AP2A1: variants seen among roughly 807,000 people sequenced by gnomAD.
The protein encoded by AP2A1 is adaptor related protein complex 2 subunit alpha 1, also known as AP-2 complex subunit alpha-1.
A neutral mutation model predicts 107.3 loss-of-function variants in AP2A1; 21 were observed. The observed-to-expected ratio is 0.20, with a 90% CI of 0.14 to 0.28. AP2A1 has a LOEUF of 0.28. AP2A1 is among the 10% of genes least tolerant of loss of function. AP2A1 has a pLI of 1.00. For missense variants in AP2A1, 873 were observed against 1,307.7 expected, an observed-to-expected ratio of 0.67 and a Z score of 5.13; for synonymous variants, 602 against 564.8, an observed-to-expected ratio of 1.07 and a Z score of -0.93.
chr19:49,782,573 C>T lies in AP2A1; in HGVS notation c.322C>T (p.Leu108=), dbSNP rs1401555293. The T allele has an allele frequency of 6.2e-7, 1 of 1,613,914 alleles. No homozygotes were observed. The highest frequency in any genetic ancestry group is 2.2e-5 in the East Asian group (1 of 44,890). Reference sequence around the variant, plus strand: ...TGTGCTGGTGAACTCGAACTCGGAGCTGATCCGCCTCATCAACAACGCCAT... The same window carrying T: ...TGTGCTGGTGAACTCGAACTCGGAGTTGATCCGCCTCATCAACAACGCCAT... ...ISVLVNSNSE[L]IRLINNAIKN... The change falls in exon 4 of 23, where the codon CTG becomes TTG. Residue 108 remains leucine, a synonymous_variant. Transcript: ENST00000354293.
At chr19:49,803,040 ACAGGTGCGGAGCCCAGGC>A (rs1380327734) in intron 16 of AP2A1, 35 bp downstream of exon 16, 1 of 1,613,672 alleles carries the variant, frequency 6.2e-7, no homozygotes, top group East Asian at 2.2e-5. Context: ...GGGGAACGGG[ACAGGTGCGGAGCCCAGGC>A]CAGGTGCAGA....
chr19:49,794,860 A>G (rs12986369), intron 6 of AP2A1, among the ~76,000 whole-genome samples: 77,630 of 151,844 alleles, frequency 0.51, 20,186 homozygotes, highest in South Asian at 0.65. Flanking sequence ...ATGGGGTTTC[A>G]CCATGTTGGT....
In AP2A1 at chr19:49,792,999, C is replaced by A. The variant is rs1290494856; in HGVS notation, c.612C>A (p.Val204=). 4 of 1,600,840 alleles carry A rather than the reference C, an allele frequency of 2.5e-6. No homozygotes were observed. Among genetic ancestry groups the A allele is most frequent in the Non-Finnish European group, 3.4e-6 (4 of 1,174,184 alleles). Residue 204 remains valine, a synonymous_variant, in exon 6 of 23, where the codon GTC becomes GTA. Coordinates refer to ENST00000354293, the MANE Select transcript of AP2A1 (RefSeq NM_130787.3). The part of the protein sequence containing the change: ...HLLNDQHMGV[V]TAAVSLITCL... ...CTCCTCTGCCCCTGCAGGGTGTGGT[C>A]ACGGCCGCCGTCAGCCTCATCACCT... is the stretch of plus-strand genomic sequence containing the variant.
intron 6 of AP2A1, among the ~76,000 whole-genome samples, chr19:49,795,351 C>T (rs1049373162): frequency 5.3e-5 from 8 of 152,176 alleles, no homozygotes; most frequent in Admixed American, 5.2e-4. Context: ...GCCTCAGATT[C>T]CTGCTTCATA....
At chr19:49,776,999 CG>C (rs2084623328) in intron 1 of AP2A1, among the ~76,000 whole-genome samples, 1 of 150,882 alleles carries the variant, frequency 6.6e-6, no homozygotes, top group Non-Finnish European at 1.5e-5. Context: ...GAGGCTGAGG[CG>C]GGTGGATCAC....
At chr19:49,806,021 G>A in intron 21 of AP2A1, 80 bp downstream of exon 21, 7 of 1,610,890 alleles carry the variant, frequency 4.3e-6, no homozygotes, top group Admixed American at 1.7e-5. Flanking sequence ...GTAAAGTGGG[G>A]CCAATTCCCA....
chr19:49,805,617 G>T, intron 19 of AP2A1, 41 bp downstream of exon 19: 2 of 1,553,828 alleles, frequency 1.3e-6, no homozygotes, highest in Non-Finnish European at 1.7e-6. Flanking sequence ...GAGCCTCCGG[G>T]GTGAGGGGCG....
chr19:49,799,175 G>A (rs2073246066), intron 8 of AP2A1, among the ~76,000 whole-genome samples, 152 bp from the exon 9 acceptor site: 1 of 152,208 alleles, frequency 6.6e-6, no homozygotes, highest in Non-Finnish European at 1.5e-5. Context: ...CCAGTTGTCT[G>A]GGTCACTGGA....
chr19:49,806,048 G>A, intron 21 of AP2A1, 71 bp from the exon 22 acceptor site: 1 of 1,603,940 alleles, frequency 6.2e-7, no homozygotes, highest in Non-Finnish European at 8.5e-7. Flanking sequence ...AGGGTTTTTT[G>A]GGATCTGGGA....
At chr19:49,767,323 A>T (rs2084512987) in intron 1 of AP2A1, 123 bp downstream of exon 1, 14 of 1,219,268 alleles carry the variant, frequency 1.1e-5, no homozygotes, top group Non-Finnish European at 1.5e-5. Flanking sequence ...GGGACAGCAT[A>T]GATGGGCCCC....
At chr19:49,793,359 T>C (rs2073170480) in intron 6 of AP2A1, among the ~76,000 whole-genome samples, 3 of 152,096 alleles carry the variant, frequency 2.0e-5, no homozygotes, top group Non-Finnish European at 4.4e-5. Flanking sequence ...GTGGATAGAG[T>C]GCTCAGAACA....
Position 49,798,945 on chromosome 19 carries a change from T to C in AP2A1, c.958T>C (p.Tyr320His). 1 of 1,552,356 alleles carries C rather than the reference T, an allele frequency of 6.4e-7. No homozygotes were observed. Among genetic ancestry groups the C allele is most frequent in the South Asian group, 1.2e-5 (1 of 84,090 alleles). ...CGAGACCATCAGCCTCATCATCCAC[T>C]ATGACAGGTGCCCGCCTGGGCCTAT... ...LFETISLIIH[Y>H]DSEPNLLVRA... The change falls in exon 8 of 23, where the codon TAT becomes CAT. Residue 320 changes from tyrosine to histidine, a missense_variant. Around this residue, in one of 4 missense-constraint regions of AP2A1, gnomAD observed 213 missense variants for 443.5 expected, o/e 0.48. Transcript: ENST00000354293.
At chr19:49,782,197 G>C in intron 3 of AP2A1, 108 bp downstream of exon 3, 1 of 687,528 alleles carries the variant, frequency 1.5e-6, no homozygotes, top group Non-Finnish European at 2.0e-6. Context: ...TAGGGGTCTG[G>C]ACTCCTGGGT....
Position 49,782,295 on chromosome 19 carries a change from A to T in AP2A1, c.279+206A>T, listed in dbSNP as rs539764601. Among the ~76,000 whole-genome samples the T allele has an allele frequency of 3.5e-5, 5 of 142,742 alleles. No homozygotes were observed. The East Asian group carries it at 8.4e-4, about 24-fold the overall frequency. The allele number at this position is 142,742 out of a possible 152,430, so 93.6% of individuals were successfully genotyped here. On this transcript the variant is annotated intron_variant, in intron 3 of 22. Coordinates refer to ENST00000354293, the MANE Select transcript of AP2A1 (RefSeq NM_130787.3). ...TCTGGACTCCCCATTCTGAGGGAGG[A>T]GGGCTGGAAGCCCAGACTCCTGGGT...
intron 6 of AP2A1, 25 bp from the exon 7 acceptor site, chr19:49,795,605 C>CAAAATT: frequency 2.5e-6 from 2 of 812,242 alleles, no homozygotes; most frequent in Non-Finnish European, 3.8e-6. Flanking sequence ...CAGCCCCCAA[C>CAAAATT]TTATTTCTTG....
rs1206204634 is a variant in AP2A1 at position 49,805,656 on chromosome 19, A to G, written c.2469-5A>G. ...CCTAATGGAGCCTCCCTTTCACCTC[A>G]TCAGGTACGGTGGCGCCCCCCAGGC... On this transcript the variant is annotated splice_polypyrimidine_tract_variant and splice_region_variant and intron_variant, in intron 19 of 22. Coordinates refer to ENST00000354293, the MANE Select transcript of AP2A1 (RefSeq NM_130787.3). 30 of 1,559,214 alleles carry G rather than the reference A, an allele frequency of 1.9e-5. No homozygotes were observed. The highest frequency in any genetic ancestry group is 2.5e-5 in the Non-Finnish European group (29 of 1,152,368).
At position 49,800,940 on chromosome 19, in the gene AP2A1, G is replaced by A. The variant is rs200716531; in HGVS notation, c.1456-21G>A. 5.0e-4 allele frequency: 783 copies of A among 1,574,720 alleles called. 5 individuals carry two copies. In the South Asian group the frequency reaches 5.8e-3, roughly 12 times the overall value. The stretch of plus-strand genomic sequence containing the variant: ...GGGCGCTCATTGTTGTCCTCTCCAC[G>A]CCCTTCCCCACCCCACTCAGGCGCT... On this transcript the variant is annotated intron_variant, in intron 11 of 22. Transcript: ENST00000354293.
At chr19:49,789,955 G>T (rs1023510495) in intron 4 of AP2A1, among the ~76,000 whole-genome samples, 13 of 152,294 alleles carry the variant, frequency 8.5e-5, no homozygotes, top group African/African-American at 2.9e-4. Flanking sequence ...TTATGGTTGG[G>T]GCCTGGAGTC....
intron 4 of AP2A1, among the ~76,000 whole-genome samples, chr19:49,790,079 C>T (rs749442997): frequency 1.3e-5 from 2 of 152,172 alleles, no homozygotes; most frequent in Non-Finnish European, 2.9e-5. Flanking sequence ...GTGTCAAACA[C>T]CGGTTCTGGA....
Sources: allele counts gnomAD v4.1 joint callset (sites outside exome capture counted in the v4.1 genomes callset), GRCh38; gene constraint gnomAD v4.1.1; regional missense constraint gnomAD v4.1.1; transcripts MANE v1.5; gene names NCBI Gene and HGNC (gene_info 2026-07-23, HGNC 2026-07-21).